The following PTPRT variants were observed in gnomAD, a reference collection of about 807,000 sequenced individuals.
The protein encoded by PTPRT is receptor-type tyrosine-protein phosphatase T.
A neutral mutation model predicts 176.8 loss-of-function variants in PTPRT; 56 were observed. That is an observed-to-expected ratio of 0.32 (90% CI 0.26 to 0.40). The LOEUF is 0.40. Ranked by LOEUF, PTPRT falls within the 10% of genes least tolerant of loss-of-function variation. PTPRT has a pLI of 1.00. For missense variants in PTPRT, 1,540 were observed against 1,908.2 expected (o/e 0.81, Z 3.60); for synonymous variants, 783 against 739.0 (o/e 1.06, Z -0.96).
At chr20:42,440,759 G>C (rs767796888) in intron 9 of PTPRT, among the ~76,000 whole-genome samples, 1 of 152,208 alleles carries the variant, frequency 6.6e-6, no homozygotes, top group Non-Finnish European at 1.5e-5. Flanking sequence ...TTACAGGCGT[G>C]AGCCACCATG....
At chr20:42,309,342 C>T (rs1022837435) in intron 12 of PTPRT, among the ~76,000 whole-genome samples, 1 of 152,038 alleles carries the variant, frequency 6.6e-6, no homozygotes, top group African/African-American at 2.4e-5. Flanking sequence ...ACAAACAATG[C>T]GAAACTGCAC....
At chr20:42,803,038 C>T (rs1180717697) in intron 2 of PTPRT, among the ~76,000 whole-genome samples, 1 of 152,154 alleles carries the variant, frequency 6.6e-6, no homozygotes, top group Non-Finnish European at 1.5e-5. Flanking sequence ...ATTTCTGAGC[C>T]CTCATGCAGA....
At chr20:42,381,351 C>T (rs1249268749) in intron 9 of PTPRT, among the ~76,000 whole-genome samples, 1 of 152,114 alleles carries the variant, frequency 6.6e-6, no homozygotes, top group African/African-American at 2.4e-5. Context: ...GCTTTAAGAG[C>T]CAAAGCCCAA....
intron 7 of PTPRT, among the ~76,000 whole-genome samples, chr20:42,608,900 G>A (rs1215193889): frequency 4.6e-5 from 7 of 152,126 alleles, no homozygotes; most frequent in Non-Finnish European, 1.0e-4. Context: ...CAGACCCAAG[G>A]GAAGGGATCA....
intron 15 of PTPRT, among the ~76,000 whole-genome samples, chr20:42,216,353 C>G (rs907221060): frequency 1.3e-5 from 2 of 152,196 alleles, no homozygotes; most frequent in Non-Finnish European, 2.9e-5. Flanking sequence ...TCCCCAGGGC[C>G]TTACATAGAT....
At chr20:42,465,112 G>A (rs1229603425) in intron 8 of PTPRT, among the ~76,000 whole-genome samples, 1 of 150,538 alleles carries the variant, frequency 6.6e-6, no homozygotes, top group Non-Finnish European at 1.5e-5. Context: ...ATTATTATAT[G>A]GGATTCTACA....
At chr20:42,321,810 G>A (rs1000728958) in intron 11 of PTPRT, among the ~76,000 whole-genome samples, 4 of 152,112 alleles carry the variant, frequency 2.6e-5, no homozygotes, top group Admixed American at 6.5e-5. Flanking sequence ...AAGGTCGAGC[G>A]CGGTGGCTCA....
chr20:42,085,654 G>C, intron 28 of PTPRT, 74 bp downstream of exon 28: 1 of 1,585,632 alleles, frequency 6.3e-7, no homozygotes, highest in Non-Finnish European at 8.6e-7. Flanking sequence ...CTGGCTCAGC[G>C]GGATCCTCTC....
chr20:42,611,509 A>G (rs1290586497), intron 7 of PTPRT, among the ~76,000 whole-genome samples: 1 of 152,204 alleles, frequency 6.6e-6, no homozygotes. Flanking sequence ...GTAAAGAGGC[A>G]TAAAGATGTG....
At chr20:42,168,639 T>A (rs1989938704) in intron 16 of PTPRT, among the ~76,000 whole-genome samples, 1 of 152,238 alleles carries the variant, frequency 6.6e-6, no homozygotes, top group Non-Finnish European at 1.5e-5. Context: ...CGAAAATCCC[T>A]CTCTCAATTG....
intron 1 of PTPRT, among the ~76,000 whole-genome samples, chr20:42,932,614 C>T: frequency 6.6e-6 from 1 of 152,170 alleles, no homozygotes; most frequent in East Asian, 1.9e-4. Flanking sequence ...ACCAACGTGT[C>T]CCAGTTTTCC....
At chr20:42,097,601 G>C (rs1300413162) in intron 27 of PTPRT, among the ~76,000 whole-genome samples, 1 of 152,184 alleles carries the variant, frequency 6.6e-6, no homozygotes, top group East Asian at 1.9e-4. Flanking sequence ...TCTGTCTCTG[G>C]AGCAAGACCA....
At chr20:42,449,061 A>C (rs1449179916) in intron 8 of PTPRT, among the ~76,000 whole-genome samples, 1 of 152,106 alleles carries the variant, frequency 6.6e-6, no homozygotes, top group Non-Finnish European at 1.5e-5. Context: ...CACTCTGCCA[A>C]GTTTTCTCTA....
intron 17 of PTPRT, 90 bp from the exon 18 acceptor site, chr20:42,142,092 T>TAGGAGTCCCATC: frequency 9.6e-7 from 1 of 1,039,080 alleles, no homozygotes; most frequent in Non-Finnish European, 1.5e-6. Context: ...TAAGACCCAC[T>TAGGAGTCCCATC]GCGATGGGAC....
chr20:42,130,763 C>A (rs1286254767), intron 18 of PTPRT, among the ~76,000 whole-genome samples: 1 of 152,112 alleles, frequency 6.6e-6, no homozygotes, highest in Non-Finnish European at 1.5e-5. Flanking sequence ...TCAGCAGAAG[C>A]AACTAGAGGG....
At chr20:42,850,890 G>T (rs2078456948) in intron 2 of PTPRT, among the ~76,000 whole-genome samples, 1 of 152,150 alleles carries the variant, frequency 6.6e-6, no homozygotes, top group South Asian at 2.1e-4. Context: ...CTCATCAGAT[G>T]GAAAACTCAC....
intron 15 of PTPRT, among the ~76,000 whole-genome samples, chr20:42,204,781 A>T (rs537578485): frequency 9.9e-5 from 15 of 152,150 alleles, no homozygotes; most frequent in Admixed American, 3.9e-4. Context: ...AGAATGGCTC[A>T]CGGGAGAGGA....
chr20:42,408,282 A>G (rs1012642500), intron 9 of PTPRT, among the ~76,000 whole-genome samples: 2 of 152,284 alleles, frequency 1.3e-5, no homozygotes, highest in African/African-American at 4.8e-5. Flanking sequence ...TGGTCCAGAA[A>G]TAATAATTTA....
chr20:42,964,972 T>A (rs1982210115), intron 1 of PTPRT, among the ~76,000 whole-genome samples: 2 of 152,236 alleles, frequency 1.3e-5, no homozygotes, highest in Admixed American at 1.3e-4. Flanking sequence ...AGTTCAATTA[T>A]TATTTTAAAG....
Sources: gnomAD v4.1 joint callset for allele counts (sites outside exome capture counted in the v4.1 genomes callset) on GRCh38, gnomAD v4.1.1 for gene constraint, MANE v1.5 for transcripts, NCBI Gene and HGNC (gene_info 2026-07-23, HGNC 2026-07-21) for gene names.